SELENON: variants seen among roughly 807,000 people sequenced by gnomAD.
The protein encoded by SELENON is selenoprotein N.
SELENON carries 44 observed loss-of-function variants against 59.5 expected under a neutral mutation model. The observed-to-expected ratio is 0.74, with a 90% confidence interval of 0.58 to 0.95. The LOEUF (loss-of-function observed/expected upper bound fraction) is 0.95. Among genes scored for constraint, SELENON ranks in the 40% least tolerant of loss-of-function variants. SELENON has a pLI of 0.00. For synonymous variants in SELENON, 320 were observed against 305.6 expected (o/e 1.05, Z -0.49); for missense variants, 674 against 721.4 (o/e 0.93, Z 0.75).
chr1:25,813,620 T>A (rs1018743108), intron 10 of SELENON: 1 of 566,166 alleles, frequency 1.8e-6, no homozygotes, highest in Non-Finnish European at 3.4e-6. Context: ...AGAGCGTTCA[T>A]TGGATTTAAG....
Position 25,808,516 on chromosome 1 carries a change from A to T in SELENON, c.538-64A>T, listed in dbSNP as rs941869413. The T allele has an allele frequency of 1.9e-6, 3 of 1,588,278 alleles. No individual in the cohort carries two copies. The African/African-American group carries it at 4.0e-5, about 21-fold the overall frequency. On this transcript the variant is annotated intron_variant, in intron 4 of 12. Coordinates refer to ENST00000361547, the MANE Select transcript of SELENON (RefSeq NM_020451.3). ...GGGCTTGAGGGAGACCTCCACCCAC[A>T]TGGTACAGGAGACCCCGGAGTCAGG...
In SELENON at chr1:25,808,660, C is replaced by G; in HGVS notation, c.618C>G (p.Phe206Leu). The stretch of plus-strand genomic sequence containing the variant: ...GTGCAGTGTTTGCCACCCGCCACTT[C>G]CAGCCCTTCCTTCCCCCGCCAGGCC... Residue 206 changes from phenylalanine (F) to leucine (L), a missense_variant, in exon 5 of 13, where the codon TTC becomes TTG. Physicochemically the swap from Phe to Leu is conservative, Grantham distance 22. Transcript: ENST00000361547. 6.2e-7 allele frequency: 1 copy of G among 1,614,056 alleles called. No individual in the cohort carries two copies.
intron 3 of SELENON, 87 bp from the exon 3 acceptor site, chr1:25,805,055 C>T (rs1013870384): frequency 4.4e-6 from 7 of 1,580,134 alleles, no homozygotes; most frequent in South Asian, 1.1e-5. Context: ...TGCCTGGCTC[C>T]GTTAATCACC....
chr1:25,815,419 C>T lies in SELENON; in HGVS notation c.1603-129C>T, dbSNP rs376937127. 5 of 792,452 alleles carry T rather than the reference C, an allele frequency of 6.3e-6. No homozygotes were observed. In the African/African-American group the frequency reaches 6.8e-5, roughly 11 times the overall value. 49.1% of individuals were successfully genotyped at this position (792,452 alleles called of 1,614,324 possible). A position where few individuals can be genotyped will look rare whatever the true frequency, so the allele number is the denominator to read the frequency against. On this transcript the variant is annotated intron_variant, in intron 12 of 12. Coordinates refer to ENST00000361547, the MANE Select transcript of SELENON (RefSeq NM_020451.3). ...CGAGGGCTTACGGCAGCACTGCCTG[C>T]CCACCATCCACCTCAGACAAGGACA... is the stretch of plus-strand genomic sequence containing the variant.
In SELENON at chr1:25,812,300, T is replaced by C. The variant is rs144939899; in HGVS notation, c.1282-387T>C. Among the ~76,000 whole-genome samples, 664 of 152,054 alleles carry C rather than the reference T, an allele frequency of 4.4e-3. 2 individuals are homozygous for C. The highest frequency in any genetic ancestry group is 7.0e-3 in the Non-Finnish European group (477 of 67,988). Reference sequence around the variant, plus strand: ...AGTTCAAGGCTGCAATGAGCTATGATTGCGCCACTGCACTCCAGCCTGGGC... The same window carrying C: ...AGTTCAAGGCTGCAATGAGCTATGACTGCGCCACTGCACTCCAGCCTGGGC... On this transcript the variant is annotated intron_variant, in intron 9 of 12. Transcript: ENST00000361547.
chr1:25,811,686 C>T lies in SELENON; in HGVS notation c.1093-5C>T, dbSNP rs559748974. ...CCTTCCCCCTACCACTGACCTCTGGCCCAGATGGAGCTGGAGGCCACGGGC... is the reference window on the plus strand; with the variant it reads ...CCTTCCCCCTACCACTGACCTCTGGTCCAGATGGAGCTGGAGGCCACGGGC... On this transcript the variant is annotated splice_region_variant and splice_polypyrimidine_tract_variant and intron_variant, in intron 8 of 12. Transcript: ENST00000361547. 2.5e-6 allele frequency: 4 copies of T among 1,611,246 alleles called. No homozygotes were observed. The African/African-American group carries it at 5.3e-5, about 21-fold the overall frequency.
chr1:25,811,807 C>T lies in SELENON; in HGVS notation c.1209C>T (p.Ile403=), dbSNP rs1458816379. 6.3e-7 allele frequency: 1 copy of T among 1,586,652 alleles called. No individual in the cohort carries two copies. ...CCCTGCAGTTTGTGTTTGAGGAGAT[C>T]AAGTGGCAGCAGGAGCTGAGCTGGG... Residue 403 remains isoleucine, a synonymous_variant, in exon 9 of 13, where the codon ATC becomes ATT. Transcript: ENST00000361547.
rs777067332 is a variant in SELENON, at chr1:25,811,877, A to G, written c.1279A>G (p.Lys427Glu). The G allele has an allele frequency of 6.4e-7, 1 of 1,561,012 alleles. No homozygotes were observed. Among genetic ancestry groups the G allele is most frequent in the South Asian group, 1.2e-5 (1 of 84,910 alleles). ...GGAGGTGGCCATGTACCCCTTCAAG[A>G]AGGTGAGGCTGGGCAGGGGTGAAGG... is the stretch of plus-strand genomic sequence containing the variant. The change falls in exon 9 of 13, where the codon AAG (lysine) becomes GAG (glutamate). Residue 427 changes from lysine (K) to glutamate (E), a missense_variant and splice_region_variant. Transcript: ENST00000361547.
Position 25,815,646 on chromosome 1 carries a change from C to T in SELENON, c.1701C>T (p.Asp567=). The T allele has an allele frequency of 6.2e-7, 1 of 1,614,226 alleles. No individual in the cohort carries two copies. The highest frequency in any genetic ancestry group is 1.3e-5 in the African/African-American group (1 of 75,062). Residue 567 remains aspartate (D), a synonymous_variant, in exon 13 of 13, where the codon GAC becomes GAT. Transcript: ENST00000361547. Reference sequence around the variant, plus strand: ...TCAGCTTCTCATCCACCTTTGAAGACCCGTCCACGGCCACCTACATGCAGT... The same window carrying T: ...TCAGCTTCTCATCCACCTTTGAAGATCCGTCCACGGCCACCTACATGCAGT...
chr1:25,804,052 G>C (rs1443335434), intron 3 of SELENON, among the ~76,000 whole-genome samples: 2 of 152,112 alleles, frequency 1.3e-5, no homozygotes, highest in African/African-American at 4.8e-5. Context: ...GAATAAGCAA[G>C]GCTTACTAAT....
chr1:25,817,598 G>C lies in SELENON; in HGVS notation c.*1880G>C, dbSNP rs2048022465. 6.6e-6 allele frequency: 1 copy of C among 152,264 alleles called. No individual in the cohort carries two copies. Among genetic ancestry groups the C allele is most frequent in the Non-Finnish European group, 1.5e-5 (1 of 68,060 alleles). 9.4% of individuals were successfully genotyped at this position (152,264 alleles called of 1,614,324 possible). ...ATCCTCACGACAAGCCTGTGAGGCAGATGCTCATTGTTCCCATCTTGATGA... is the reference window on the plus strand; with the variant it reads ...ATCCTCACGACAAGCCTGTGAGGCACATGCTCATTGTTCCCATCTTGATGA... On this transcript the variant is annotated 3_prime_UTR_variant, in exon 13 of 13. Coordinates refer to ENST00000361547, the MANE Select transcript of SELENON (RefSeq NM_020451.3).
At chr1:25,809,560 C>T in intron 6 of SELENON, 123 bp from the exon 6 acceptor site, 3 of 1,378,296 alleles carry the variant, frequency 2.2e-6, no homozygotes, top group Non-Finnish European at 3.1e-6. Flanking sequence ...CGCTGCTGCC[C>T]ACTGGCCCAT....
intron 5 of SELENON, 114 bp downstream of exon 4, chr1:25,808,903 T>A: frequency 1.3e-6 from 2 of 1,574,120 alleles, no homozygotes; most frequent in Non-Finnish European, 1.7e-6. Flanking sequence ...TCTCCTGCCT[T>A]CCTCTGGACC....
At chr1:25,813,701 G>C in intron 10 of SELENON, 180 bp from the exon 10 acceptor site, 1 of 658,348 alleles carries the variant, frequency 1.5e-6, no homozygotes, top group Non-Finnish European at 2.8e-6. Flanking sequence ...CAGGATGCTG[G>C]TATATTATTG....
chr1:25,806,823 T>C (rs1006576558), intron 4 of SELENON, among the ~76,000 whole-genome samples: 5 of 147,216 alleles, frequency 3.4e-5, no homozygotes, highest in South Asian at 2.2e-4. Context: ...CCCTTTCTTT[T>C]TTTTTTTTTT....
At chr1:25,806,190 G>C (rs2047905742) in intron 4 of SELENON, among the ~76,000 whole-genome samples, 2 of 152,368 alleles carry the variant, frequency 1.3e-5, no homozygotes, top group Middle Eastern at 3.4e-3. Flanking sequence ...GGGTGTGTCT[G>C]GGCCCAGGGG....
At chr1:25,812,877 C>T (rs1370271984) in intron 10 of SELENON, 85 bp downstream of exon 9, 1 of 1,062,212 alleles carries the variant, frequency 9.4e-7, no homozygotes, top group Non-Finnish European at 1.4e-6. Flanking sequence ...CAATGGGACT[C>T]TTCTGTTGAG....
chr1:25,803,263 G>A (rs951541492), intron 3 of SELENON, among the ~76,000 whole-genome samples: 2 of 152,196 alleles, frequency 1.3e-5, no homozygotes, highest in Admixed American at 6.5e-5. Flanking sequence ...AGCAAAGCTT[G>A]AGGTGCACTT....
At chr1:25,814,403 G>A (rs1026078991) in intron 12 of SELENON, among the ~76,000 whole-genome samples, 1 of 152,184 alleles carries the variant, frequency 6.6e-6, no homozygotes, top group Non-Finnish European at 1.5e-5. Context: ...CTGCGCAGCA[G>A]TGAGCATAGT....
Sources: allele counts gnomAD v4.1 joint callset (sites outside exome capture counted in the v4.1 genomes callset), GRCh38; gene constraint gnomAD v4.1.1; transcripts MANE v1.5; gene names NCBI Gene and HGNC (gene_info 2026-07-23, HGNC 2026-07-21).